Variants in KCNN2 observed in about 807,000 individuals in gnomAD.
KCNN2 encodes the protein potassium calcium-activated channel subfamily N member 2, also known as small conductance calcium-activated potassium channel protein 2.
In KCNN2, 24 loss-of-function variants were observed where a neutral mutation model predicts 55.5. That is an observed-to-expected ratio of 0.43 (90% CI 0.31 to 0.61). The LOEUF is 0.61. Ranked by LOEUF, KCNN2 falls within the 20% of genes least tolerant of loss-of-function variation. KCNN2 has a pLI of 0.08. For synonymous variants in KCNN2, 431 were observed against 336.1 expected, an observed-to-expected ratio of 1.28 and a Z score of -3.09; for missense variants, 754 against 853.6, an observed-to-expected ratio of 0.88 and a Z score of 1.45.
At chr5:114,376,041 C>G (rs1191734981) in intron 2 of KCNN2, among the ~76,000 whole-genome samples, 1 of 144,298 alleles carries the variant, frequency 6.9e-6, no homozygotes, top group Non-Finnish European at 1.5e-5. Flanking sequence ...ACAACTATAC[C>G]TATTTTTCAG....
chr5:114,469,859 T>A (rs952579966), intron 4 of KCNN2, among the ~76,000 whole-genome samples: 11 of 152,176 alleles, frequency 7.2e-5, no homozygotes, highest in Non-Finnish European at 1.2e-4. Flanking sequence ...CTCTTACGAT[T>A]TATTAATCTA....
intron 1 of KCNN2, among the ~76,000 whole-genome samples, chr5:114,129,861 TTTCCTGGTAGAA>T (rs1351726579): frequency 4.6e-5 from 7 of 152,240 alleles, no homozygotes; most frequent in African/African-American, 1.7e-4. Context: ...CATAACTGTG[TTTCCTGGTAGAA>T]TCCCTTCTTC....
At chr5:114,265,341 GT>G (rs1561546075) in intron 2 of KCNN2, among the ~76,000 whole-genome samples, 16 of 62,094 alleles carry the variant, frequency 2.6e-4, no homozygotes, top group Admixed American at 1.7e-3. Flanking sequence ...GTGTGTGTGT[GT>G]GTGTGTGTGT....
chr5:114,113,182 G>A (rs919205578), intron 1 of KCNN2, among the ~76,000 whole-genome samples: 2 of 151,848 alleles, frequency 1.3e-5, no homozygotes, highest in Non-Finnish European at 2.9e-5. Context: ...GTTCAATGTC[G>A]AATGAGTCTG....
At chr5:114,057,800 T>C (rs1168533635) in intron 1 of KCNN2, among the ~76,000 whole-genome samples, 3 of 152,214 alleles carry the variant, frequency 2.0e-5, no homozygotes, top group Admixed American at 6.5e-5. Context: ...TATGAAGTGA[T>C]GGTTGTTACC....
chr5:114,077,983 C>T (rs1244306261), intron 1 of KCNN2, among the ~76,000 whole-genome samples: 1 of 152,104 alleles, frequency 6.6e-6, no homozygotes. Flanking sequence ...TCTTTCTGGG[C>T]ATAGTCTTTG....
intron 2 of KCNN2, among the ~76,000 whole-genome samples, chr5:114,300,999 T>C (rs893676533): frequency 5.3e-5 from 8 of 152,068 alleles, no homozygotes; most frequent in Non-Finnish European, 7.4e-5. Context: ...TTATTTTTAG[T>C]AATAACTTTT....
chr5:114,356,736 A>T (rs1015321925), intron 2 of KCNN2, among the ~76,000 whole-genome samples: 11 of 152,184 alleles, frequency 7.2e-5, no homozygotes, highest in Non-Finnish European at 1.2e-4. Context: ...TTATAATCAT[A>T]AGGCAGAAGT....
intron 1 of KCNN2, among the ~76,000 whole-genome samples, chr5:114,196,781 A>G (rs901685954): frequency 2.2e-4 from 34 of 151,872 alleles, no homozygotes; most frequent in Non-Finnish European, 4.3e-4. Flanking sequence ...TGATCTTTTC[A>G]AAGTACTAAC....
At chr5:114,393,139 G>A (rs959666515) in intron 2 of KCNN2, among the ~76,000 whole-genome samples, 2 of 151,956 alleles carry the variant, frequency 1.3e-5, no homozygotes, top group African/African-American at 4.8e-5. Flanking sequence ...CATGTATATT[G>A]CTCTTCCACA....
At chr5:114,401,137 G>A (rs572127674) in intron 2 of KCNN2, among the ~76,000 whole-genome samples, 9 of 151,912 alleles carry the variant, frequency 5.9e-5, no homozygotes, top group African/African-American at 2.2e-4. Flanking sequence ...GCAACATTGA[G>A]GGTCAGGATT....
At chr5:114,354,798 A>C (rs1357526412) in intron 2 of KCNN2, among the ~76,000 whole-genome samples, 1 of 152,160 alleles carries the variant, frequency 6.6e-6, no homozygotes, top group African/African-American at 2.4e-5. Flanking sequence ...AAATTTGTCT[A>C]GCATATATCT....
chr5:114,447,098 C>T (rs1007092422), intron 3 of KCNN2, among the ~76,000 whole-genome samples: 2 of 152,162 alleles, frequency 1.3e-5, no homozygotes, highest in African/African-American at 4.8e-5. Context: ...AGTGCAGCTC[C>T]TATTTCCTTT....
At chr5:114,228,277 C>T (rs1172270688) in intron 2 of KCNN2, among the ~76,000 whole-genome samples, 2 of 151,980 alleles carry the variant, frequency 1.3e-5, no homozygotes, top group African/African-American at 2.4e-5. Flanking sequence ...ATCTCATTTA[C>T]TTTTGAGGTT....
chr5:114,318,326 AT>A lies in KCNN2; in HGVS notation c.-184-42618del, dbSNP rs141343450. Among the ~76,000 whole-genome samples, 554 of 152,230 alleles carry A rather than the reference AT, an allele frequency of 3.6e-3. 7 individuals carry two copies. Among genetic ancestry groups the A allele is most frequent in the African/African-American group, 0.013 (531 of 41,536 alleles). On this transcript the variant is annotated intron_variant, in intron 2 of 10. Transcript: ENST00000512097. ...ATCAAATCCTTATTACCATTGTCAA[AT>A]CCTTATTACCACTCATTGTTGTTTG...
chr5:114,077,921 G>A (rs557645984), intron 1 of KCNN2, among the ~76,000 whole-genome samples: 4 of 152,286 alleles, frequency 2.6e-5, no homozygotes, highest in Admixed American at 2.0e-4. Context: ...ACTTTATTTA[G>A]TTAGACAAAT....
chr5:114,108,545 T>C (rs576324333), intron 1 of KCNN2, among the ~76,000 whole-genome samples: 1 of 152,186 alleles, frequency 6.6e-6, no homozygotes, highest in South Asian at 2.1e-4. Flanking sequence ...CTAACACACA[T>C]TTGACTTCTT....
Position 114,483,072 on chromosome 5 carries a change from C to T in KCNN2, c.1891-3978C>T, listed in dbSNP as rs192453384. ...GAAGGAAAAAAAAAAAGTCTAGCAG[C>T]CTCAAGTGCTTTGGTGATCTGTAAA... On this transcript the variant is annotated intron_variant, in intron 5 of 7. Coordinates refer to ENST00000673685, the MANE Select transcript of KCNN2 (RefSeq NM_021614.4). 8.4e-4 allele frequency among the ~76,000 whole-genome samples: 127 copies of T among 152,018 alleles called. 1 individual carries two copies. The highest frequency in any genetic ancestry group is 6.6e-3 in the East Asian group (34 of 5,174).
intron 2 of KCNN2, among the ~76,000 whole-genome samples, chr5:114,322,983 A>G (rs1467045108): frequency 2.6e-5 from 4 of 152,118 alleles, no homozygotes; most frequent in African/African-American, 9.7e-5. Context: ...AGTAGACTCC[A>G]GTGTCTTTTG....
Sources: gnomAD v4.1 joint callset for allele counts (sites outside exome capture counted in the v4.1 genomes callset) on GRCh38, gnomAD v4.1.1 for gene constraint, MANE v1.5 for transcripts, NCBI Gene and HGNC (gene_info 2026-07-23, HGNC 2026-07-21) for gene names.